The following DPT variants were observed in gnomAD, a reference collection of about 807,000 sequenced individuals.
The protein encoded by DPT is tyrosine-rich acidic matrix protein.
Under a neutral mutation model 31.2 loss-of-function variants are expected in DPT, and 21 were observed. The ratio of observed to expected loss-of-function variants is 0.67; its 90% confidence interval spans 0.48 to 0.97. DPT has a LOEUF of 0.97. Among genes scored for constraint, DPT ranks in the 50% least tolerant of loss-of-function variants. The pLI is 0.00. For missense variants in DPT, 262 were observed against 258.8 expected, an observed-to-expected ratio of 1.01 and a Z score of -0.08; for synonymous variants, 91 against 86.9, an observed-to-expected ratio of 1.05 and a Z score of -0.26.
At chr1:168,715,093 C>G (rs986099379) in intron 1 of DPT, among the ~76,000 whole-genome samples, 1 of 152,204 alleles carries the variant, frequency 6.6e-6, no homozygotes, top group African/African-American at 2.4e-5. Context: ...CTCAAACCCC[C>G]TCTAAAGATC....
At chr1:168,718,805 T>G (rs1650039558) in intron 1 of DPT, among the ~76,000 whole-genome samples, 1 of 152,198 alleles carries the variant, frequency 6.6e-6, no homozygotes, top group Non-Finnish European at 1.5e-5. Flanking sequence ...GATTAATAAA[T>G]TGCTTATTAG....
chr1:168,706,119 G>C (rs1649712707), intron 2 of DPT, among the ~76,000 whole-genome samples: 1 of 152,178 alleles, frequency 6.6e-6, no homozygotes, highest in Admixed American at 6.5e-5. Context: ...CAAGATAATA[G>C]AATACTGTAT....
chr1:168,706,625 C>T (rs1363549863), intron 2 of DPT, among the ~76,000 whole-genome samples: 1 of 152,184 alleles, frequency 6.6e-6, no homozygotes, highest in African/African-American at 2.4e-5. Flanking sequence ...AAAATCTGAA[C>T]CCAGGGGCTC....
At chr1:168,724,697 T>C (rs1314940500) in intron 1 of DPT, among the ~76,000 whole-genome samples, 1 of 151,930 alleles carries the variant, frequency 6.6e-6, no homozygotes, top group Non-Finnish European at 1.5e-5. Flanking sequence ...CTCAGAACCA[T>C]GACTCAGGAC....
intron 1 of DPT, among the ~76,000 whole-genome samples, chr1:168,723,709 T>C (rs1650171331): frequency 6.6e-6 from 1 of 152,236 alleles, no homozygotes; most frequent in Admixed American, 6.5e-5. Context: ...TTCAGTCTCA[T>C]GGCCTTTATT....
At chr1:168,713,427 A>G (rs186207257) in intron 2 of DPT, among the ~76,000 whole-genome samples, 107 of 152,376 alleles carry the variant, frequency 7.0e-4, no homozygotes, top group Admixed American at 1.2e-3. Context: ...TGTCCTTGCA[A>G]GCATCAAACT....
intron 2 of DPT, among the ~76,000 whole-genome samples, chr1:168,703,945 G>A (rs1055675288): frequency 1.5e-4 from 23 of 152,204 alleles, no homozygotes; most frequent in African/African-American, 5.1e-4. Context: ...ACACACACAC[G>A]CGCACAAAGT....
chr1:168,716,996 A>G (rs973036202), intron 1 of DPT, among the ~76,000 whole-genome samples: 1 of 152,202 alleles, frequency 6.6e-6, no homozygotes, highest in Non-Finnish European at 1.5e-5. Context: ...GTTATTGCAA[A>G]TAGTGCTGCA....
chr1:168,728,026 G>C (rs1650288921), intron 1 of DPT, among the ~76,000 whole-genome samples: 1 of 152,118 alleles, frequency 6.6e-6, no homozygotes, highest in Non-Finnish European at 1.5e-5. Context: ...TAAATAATCA[G>C]CCTAGCAGTC....
intron 2 of DPT, among the ~76,000 whole-genome samples, chr1:168,712,944 A>C: frequency 6.6e-6 from 1 of 152,166 alleles, no homozygotes; most frequent in East Asian, 1.9e-4. Flanking sequence ...GGAGACTCAA[A>C]AAAGGTGGTC....
intron 2 of DPT, among the ~76,000 whole-genome samples, chr1:168,713,096 T>C (rs1214845961): frequency 6.6e-6 from 1 of 152,138 alleles, no homozygotes; most frequent in Non-Finnish European, 1.5e-5. Context: ...TGGTGCTCCT[T>C]CTACCTCCTC....
chr1:168,705,329 G>A (rs929051305), intron 2 of DPT, among the ~76,000 whole-genome samples: 70 of 152,236 alleles, frequency 4.6e-4, no homozygotes, highest in African/African-American at 1.6e-3. Flanking sequence ...TCACCTGGAA[G>A]CTCCTCTTTC....
chr1:168,718,113 C>T (rs1235094506), intron 1 of DPT, among the ~76,000 whole-genome samples: 4 of 152,366 alleles, frequency 2.6e-5, no homozygotes, highest in African/African-American at 9.6e-5. Context: ...AAACAAAGCC[C>T]TTTCAGAACT....
intron 1 of DPT, among the ~76,000 whole-genome samples, chr1:168,723,767 C>T (rs1052952858): frequency 2.5e-4 from 38 of 152,190 alleles, no homozygotes; most frequent in South Asian, 6.2e-4. Context: ...CCCAAGACCC[C>T]CTCCAGTGCT....
rs1211296245 is a variant in DPT, at chr1:168,701,526, A to G, written c.432-402T>C. 2.0e-5 allele frequency among the ~76,000 whole-genome samples: 3 copies of G among 152,256 alleles called. No individual in the cohort carries two copies. In the East Asian group the frequency reaches 5.8e-4, roughly 29 times the overall value. On this transcript the variant is annotated intron_variant, in intron 2 of 3. Coordinates refer to ENST00000367817, the MANE Select transcript of DPT (RefSeq NM_001937.5). ...TTTAATTGGCTTTAAAAGAGACATA[A>G]AATAGAAAAGAAAATATAAAAGCAT...
intron 1 of DPT, among the ~76,000 whole-genome samples, chr1:168,727,046 G>T (rs1056817571): frequency 1.3e-5 from 2 of 152,180 alleles, no homozygotes; most frequent in Non-Finnish European, 2.9e-5. Flanking sequence ...TCCCTCTGGG[G>T]CTGGGCTTCT....
chr1:168,728,107 A>G (rs1181030944), intron 1 of DPT, among the ~76,000 whole-genome samples: 1 of 152,176 alleles, frequency 6.6e-6, no homozygotes, highest in Non-Finnish European at 1.5e-5. Flanking sequence ...ACACCCCACA[A>G]AAAAGTACAA....
intron 1 of DPT, among the ~76,000 whole-genome samples, chr1:168,727,855 C>A (rs1338557577): frequency 6.6e-6 from 1 of 151,980 alleles, no homozygotes; most frequent in Non-Finnish European, 1.5e-5. Flanking sequence ...TGTGCTTGAC[C>A]CCTCCAATCC....
intron 2 of DPT, among the ~76,000 whole-genome samples, chr1:168,713,232 A>G (rs1281094130): frequency 6.6e-6 from 1 of 152,204 alleles, no homozygotes; most frequent in Admixed American, 6.5e-5. Context: ...TTGAAGAACT[A>G]GAGGAGGTTT....
Sources: allele counts gnomAD v4.1 joint callset (sites outside exome capture counted in the v4.1 genomes callset), GRCh38; gene constraint gnomAD v4.1.1; transcripts MANE v1.5; gene names NCBI Gene and HGNC (gene_info 2026-07-23, HGNC 2026-07-21).